The following STARD13 variants were observed in gnomAD, a reference collection of about 807,000 sequenced individuals.
STARD13 encodes stAR-related lipid transfer protein 13.
In STARD13, 62 loss-of-function variants were observed where a neutral mutation model predicts 106.4. The ratio of observed to expected loss-of-function variants is 0.58; its 90% confidence interval spans 0.48 to 0.72. The LOEUF (loss-of-function observed/expected upper bound fraction) is 0.72, where lower values mean the gene tolerates loss of function less well. Ranked by LOEUF, STARD13 falls within the 30% of genes least tolerant of loss-of-function variation. STARD13 has a pLI of 0.00. For synonymous variants in STARD13, 565 were observed against 553.0 expected (o/e 1.02, Z -0.31); for missense variants, 1,387 against 1,424.0 (o/e 0.97, Z 0.42).
chr13:33,151,646 G>A (rs902174982), intron 3 of STARD13, among the ~76,000 whole-genome samples: 1 of 152,192 alleles, frequency 6.6e-6, no homozygotes, highest in Admixed American at 6.6e-5. Flanking sequence ...GCAGGGGCTA[G>A]ATCACAAAGG....
the STARD13 span, among the ~76,000 whole-genome samples, chr13:33,356,978 C>T: frequency 6.6e-6 from 1 of 152,182 alleles, no homozygotes; most frequent in Non-Finnish European, 1.5e-5. Context: ...CTTTGTTCTA[C>T]CTACCCTGCT....
At chr13:33,563,890 A>G in the STARD13 span, among the ~76,000 whole-genome samples, 1 of 147,440 alleles carries the variant, frequency 6.8e-6, no homozygotes, top group Non-Finnish European at 1.5e-5. Flanking sequence ...CACACGAAAA[A>G]TCTGATTTAA....
At chr13:33,493,255 C>T in the STARD13 span, among the ~76,000 whole-genome samples, 3 of 152,158 alleles carry the variant, frequency 2.0e-5, no homozygotes, top group Admixed American at 2.0e-4. Flanking sequence ...CAGACACTCA[C>T]ACAACCCCTA....
At chr13:33,332,736 T>C (rs1445738179) in intron 1 of STARD13, among the ~76,000 whole-genome samples, 1 of 152,226 alleles carries the variant, frequency 6.6e-6, no homozygotes, top group African/African-American at 2.4e-5. Context: ...CCAGCTTCTC[T>C]ACATTTTTTG....
rs1227836806 is a variant in STARD13 at position 33,142,385 on chromosome 13, GA to G, written c.324-13del. On this transcript the variant is annotated splice_polypyrimidine_tract_variant and intron_variant, in intron 3 of 13. Coordinates refer to ENST00000336934, the MANE Select transcript of STARD13 (RefSeq NM_178006.4). ...ACGTATTTAGTCGTCTAAAAGGAAA[GA>G]AAAATGTGATGATTACTTTCACTAA... The G allele has an allele frequency of 1.2e-6, 2 of 1,608,000 alleles. No individual in the cohort carries two copies. The highest frequency in any genetic ancestry group is 1.7e-6 in the Non-Finnish European group (2 of 1,174,860).
intron 7 of STARD13, among the ~76,000 whole-genome samples, chr13:33,119,056 G>C (rs540263465): frequency 2.3e-4 from 35 of 152,108 alleles, no homozygotes; most frequent in South Asian, 1.7e-3. Context: ...AGGCATCAAG[G>C]ACAGAGTGGC....
the STARD13 span, among the ~76,000 whole-genome samples, chr13:33,625,326 C>T: frequency 0.12 from 18,413 of 151,918 alleles, 2,818 homozygotes; most frequent in African/African-American, 0.36. Context: ...AATCCCAGCA[C>T]TTTGGGAGGC....
chr13:33,568,702 G>A, the STARD13 span, among the ~76,000 whole-genome samples: 2 of 147,600 alleles, frequency 1.4e-5, no homozygotes, highest in Non-Finnish European at 3.0e-5. Context: ...ACACACTAAA[G>A]GTATAAAGTT....
the STARD13 span, among the ~76,000 whole-genome samples, chr13:33,446,773 T>C: frequency 1.9e-4 from 29 of 152,192 alleles, 2 homozygotes. Flanking sequence ...GTTCAGTGAG[T>C]CTAAAATGAT....
chr13:33,203,879 A>G (rs948908976), intron 1 of STARD13, among the ~76,000 whole-genome samples: 2 of 152,238 alleles, frequency 1.3e-5, no homozygotes, highest in Non-Finnish European at 1.5e-5. Context: ...CATACGTACC[A>G]AAAGCTAATA....
At chr13:33,475,395 T>TA in the STARD13 span, among the ~76,000 whole-genome samples, 3 of 152,314 alleles carry the variant, frequency 2.0e-5, no homozygotes, top group African/African-American at 7.2e-5. Context: ...GGAAGGCTTG[T>TA]AATTGGTTCT....
At chr13:33,379,086 G>A in the STARD13 span, among the ~76,000 whole-genome samples, 1 of 152,098 alleles carries the variant, frequency 6.6e-6, no homozygotes, top group East Asian at 1.9e-4. Context: ...CTCCAGCCTG[G>A]GCAACAGAAT....
intron 1 of STARD13, among the ~76,000 whole-genome samples, chr13:33,297,657 G>T (rs1407598731): frequency 6.6e-6 from 1 of 151,190 alleles, no homozygotes; most frequent in African/African-American, 2.4e-5. Context: ...GCACCAAAAA[G>T]ATAATCATGA....
At chr13:33,519,702 G>T in the STARD13 span, among the ~76,000 whole-genome samples, 1 of 152,056 alleles carries the variant, frequency 6.6e-6, no homozygotes, top group Non-Finnish European at 1.5e-5. Flanking sequence ...CATCGTTGAT[G>T]GTTAATCCCT....
At chr13:33,141,989 C>T (rs375527280) in intron 4 of STARD13, among the ~76,000 whole-genome samples, 9 of 152,190 alleles carry the variant, frequency 5.9e-5, no homozygotes, top group African/African-American at 2.2e-4. Context: ...GGAGAATACA[C>T]ATGGATGGTC....
the STARD13 span, among the ~76,000 whole-genome samples, chr13:33,640,363 A>G: frequency 6.6e-6 from 1 of 152,230 alleles, no homozygotes; most frequent in Non-Finnish European, 1.5e-5. Flanking sequence ...ATTGGAATAT[A>G]AATAACTTCT....
chr13:33,465,044 T>C, the STARD13 span, among the ~76,000 whole-genome samples: 1 of 152,144 alleles, frequency 6.6e-6, no homozygotes, highest in Non-Finnish European at 1.5e-5. Flanking sequence ...ATATAGCCAA[T>C]GTATTATCAA....
At chr13:33,226,541 T>G (rs890583502) in intron 1 of STARD13, among the ~76,000 whole-genome samples, 2 of 151,904 alleles carry the variant, frequency 1.3e-5, no homozygotes, top group East Asian at 3.9e-4. Flanking sequence ...TTCAAGTGAT[T>G]CTGCTGCCTT....
At position 33,130,328 on chromosome 13, in the gene STARD13, G is replaced by A. The variant is rs763724775; in HGVS notation, c.388-39C>T. The A allele has an allele frequency of 2.8e-5, 44 of 1,574,942 alleles. No homozygotes were observed. Among genetic ancestry groups the A allele is most frequent in the Admixed American group, 2.0e-4 (12 of 58,838 alleles). On this transcript the variant is annotated intron_variant, in intron 4 of 13. Coordinates refer to ENST00000336934, the MANE Select transcript of STARD13 (RefSeq NM_178006.4). This position sits in a 1 kb window ranked among gnomAD's most constrained non-coding sequence, Gnocchi z 4.1. ...AGGAAAATGCTCATTAGCAGACAGC[G>A]TGGCTGAAGCAGGAACTCTGGGTGC...
Sources: allele counts gnomAD v4.1 joint callset (sites outside exome capture counted in the v4.1 genomes callset), GRCh38; gene constraint gnomAD v4.1.1; non-coding constraint Gnocchi (gnomAD v3.1); transcripts MANE v1.5; gene names NCBI Gene and HGNC (gene_info 2026-07-23, HGNC 2026-07-21).